Variants in USO1 observed in about 807,000 individuals in gnomAD.
The protein encoded by USO1 is USO1 vesicle transport factor, also known as general vesicular transport factor p115.
Under a neutral mutation model 124.5 loss-of-function variants are expected in USO1, and 57 were observed. The ratio of observed to expected loss-of-function variants is 0.46; its 90% CI spans 0.37 to 0.57. The LOEUF is 0.57. USO1 is among the 20% of genes least tolerant of loss of function. USO1 has a pLI of 0.00. For missense variants in USO1, 900 were observed against 1,040.6 expected (o/e 0.86, Z 1.86); for synonymous variants, 369 against 362.8 (o/e 1.02, Z -0.19).
At chr4:75,807,827 ATTGCCT>A (rs1376758616) in intron 20 of USO1, among the ~76,000 whole-genome samples, 1 of 152,104 alleles carries the variant, frequency 6.6e-6, no homozygotes, top group Non-Finnish European at 1.5e-5. Context: ...TAAAAAGAGA[ATTGCCT>A]TTTAGTTTTT....
At position 75,812,390 on chromosome 4, in the gene USO1, T is replaced by A; in HGVS notation, c.2799+15T>A. On this transcript the variant is annotated intron_variant, in intron 23 of 23. Coordinates refer to ENST00000514213, the MANE Select transcript of USO1 (RefSeq NM_003715.4). ...TTGGTCATCCAGTAAGATTAAAATG[T>A]CTCCAAAAATGATTTGTATTATGTT... 6.5e-7 allele frequency: 1 copy of A among 1,548,226 alleles called. No individual in the cohort carries two copies. Among genetic ancestry groups the A allele is most frequent in the Non-Finnish European group, 8.7e-7 (1 of 1,150,638 alleles).
chr4:75,749,000 G>A (rs909042041), intron 1 of USO1, among the ~76,000 whole-genome samples: 1 of 151,778 alleles, frequency 6.6e-6, no homozygotes, highest in Non-Finnish European at 1.5e-5. Context: ...TAGGAAAAGT[G>A]TCAACCAGTT....
At chr4:75,775,117 T>A (rs1178135431) in intron 8 of USO1, among the ~76,000 whole-genome samples, 1 of 152,176 alleles carries the variant, frequency 6.6e-6, no homozygotes, top group Non-Finnish European at 1.5e-5. Context: ...GGGAGTTGAG[T>A]TGAAGGCAGA....
chr4:75,770,955 G>T, intron 6 of USO1, 31 bp downstream of exon 6: 2 of 1,600,324 alleles, frequency 1.2e-6, no homozygotes, highest in South Asian at 2.3e-5. Flanking sequence ...ATATTATTTT[G>T]ATTCAAGCAT....
intron 22 of USO1, among the ~76,000 whole-genome samples, chr4:75,810,928 A>G (rs1010457204): frequency 2.6e-5 from 4 of 151,880 alleles, no homozygotes; most frequent in African/African-American, 7.3e-5. Flanking sequence ...ACAGGGTTTC[A>G]CCACGTTGGC....
chr4:75,796,762 T>C (rs1181623928), intron 13 of USO1, among the ~76,000 whole-genome samples: 1 of 152,090 alleles, frequency 6.6e-6, no homozygotes, highest in Non-Finnish European at 1.5e-5. Context: ...ATCTCCTCAA[T>C]GGTTCACACA....
At chr4:75,746,533 TCAA>T (rs1047922389) in intron 1 of USO1, among the ~76,000 whole-genome samples, 2 of 152,222 alleles carry the variant, frequency 1.3e-5, no homozygotes, top group African/African-American at 4.8e-5. Context: ...TTGGTAAATA[TCAA>T]CAGAAAAATA....
chr4:75,788,082 T>A (rs1323332619), intron 10 of USO1, among the ~76,000 whole-genome samples: 1 of 152,066 alleles, frequency 6.6e-6, no homozygotes, highest in Non-Finnish European at 1.5e-5. Flanking sequence ...GGAATTTTTT[T>A]TGCCATCTTC....
chr4:75,766,374 A>T lies in USO1; in HGVS notation c.296-4065A>T, dbSNP rs182887152. On this transcript the variant is annotated intron_variant, in intron 4 of 23. Coordinates refer to ENST00000514213, the MANE Select transcript of USO1 (RefSeq NM_003715.4). ...TATAGCTTATGTTGTAAATCTTAGG[A>T]CCATGGTTCTCAAGTGAGGGCAATT... is the stretch of plus-strand genomic sequence containing the variant. Among the ~76,000 whole-genome samples, 3 of 152,310 alleles carry T rather than the reference A, an allele frequency of 2.0e-5. No homozygotes were observed. The East Asian group carries it at 5.8e-4, about 29-fold the overall frequency.
intron 1 of USO1, among the ~76,000 whole-genome samples, chr4:75,728,162 A>G (rs1223364996): frequency 6.6e-6 from 1 of 152,080 alleles, no homozygotes; most frequent in Admixed American, 6.5e-5. Context: ...TCATTGTGTC[A>G]AGCTTTTTAC....
At chr4:75,760,949 C>G (rs1721589453) in intron 4 of USO1, among the ~76,000 whole-genome samples, 2 of 152,084 alleles carry the variant, frequency 1.3e-5, no homozygotes. Flanking sequence ...GAGTTCAAGA[C>G]CAGCCTAGCC....
At chr4:75,809,233 C>A (rs324692) in intron 21 of USO1, among the ~76,000 whole-genome samples, 182 bp downstream of exon 21, 16,299 of 152,192 alleles carry the variant, frequency 0.11, 940 homozygotes, top group Middle Eastern at 0.17. Flanking sequence ...TAGTCAGTCT[C>A]ACCAGATTAG....
intron 1 of USO1, 88 bp downstream of exon 1, chr4:75,724,973 C>T (rs1425866978): frequency 1.4e-6 from 2 of 1,442,436 alleles, no homozygotes; most frequent in Non-Finnish European, 1.9e-6. Context: ...TCACCTCCAG[C>T]GTCCCACCAT....
Position 75,750,535 on chromosome 4 carries a change from G to C in USO1, c.67-1838G>C, listed in dbSNP as rs1721272285. Among the ~76,000 whole-genome samples, 6 of 152,166 alleles carry C rather than the reference G, an allele frequency of 3.9e-5. No homozygotes were observed. The South Asian group carries it at 1.2e-3, about 32-fold the overall frequency. On this transcript the variant is annotated intron_variant, in intron 1 of 23. Coordinates refer to ENST00000514213, the MANE Select transcript of USO1 (RefSeq NM_003715.4). ...GGTCTCGCTCTGTCAACAGGCTGGA[G>C]TGTAGTGGTGCGATCTTAGCTCGCT...
chr4:75,784,735 G>A (rs542873767), intron 9 of USO1, among the ~76,000 whole-genome samples: 1 of 150,888 alleles, frequency 6.6e-6, no homozygotes, highest in African/African-American at 2.4e-5. Context: ...AGGCTGCATT[G>A]AACCATAATC....
intron 13 of USO1, among the ~76,000 whole-genome samples, chr4:75,796,125 A>C (rs1323708844): frequency 6.6e-6 from 1 of 152,112 alleles, no homozygotes; most frequent in African/African-American, 2.4e-5. Context: ...TTGCAGCTTT[A>C]GCCTGCAGAA....
intron 4 of USO1, among the ~76,000 whole-genome samples, chr4:75,768,993 G>A (rs1386496546): frequency 2.6e-5 from 4 of 152,154 alleles, no homozygotes; most frequent in African/African-American, 9.7e-5. Context: ...TTCTCCCACA[G>A]TGTTTCCAAT....
chr4:75,807,912 A>G (rs1410276136), intron 20 of USO1, among the ~76,000 whole-genome samples: 2 of 152,028 alleles, frequency 1.3e-5, no homozygotes, highest in Non-Finnish European at 2.9e-5. Context: ...TTTAAGTGAC[A>G]GTTTTGTTTT....
In USO1 at chr4:75,742,194, G is replaced by T. The variant is rs558215577; in HGVS notation, c.67-10179G>T. ...ATACATAAACAAGTAACAGTCATTTGTTACTGTTATCAAGTATTATGTACT... is the reference window on the plus strand; with the variant it reads ...ATACATAAACAAGTAACAGTCATTTTTTACTGTTATCAAGTATTATGTACT... On this transcript the variant is annotated intron_variant, in intron 1 of 23. Transcript: ENST00000514213. Among the ~76,000 whole-genome samples the T allele has an allele frequency of 2.0e-5, 3 of 152,276 alleles. No individual in the cohort carries two copies. The South Asian group carries it at 6.2e-4, about 32-fold the overall frequency.
Sources: allele counts gnomAD v4.1 joint callset (sites outside exome capture counted in the v4.1 genomes callset), GRCh38; gene constraint gnomAD v4.1.1; transcripts MANE v1.5; gene names NCBI Gene and HGNC (gene_info 2026-07-23, HGNC 2026-07-21).